TMEM131: variants seen among roughly 807,000 people sequenced by gnomAD.
TMEM131 encodes 2610524E03Rik.
A neutral mutation model predicts 211.6 loss-of-function variants in TMEM131; 66 were observed. The observed-to-expected ratio is 0.31, with a 90% CI of 0.26 to 0.38. TMEM131 has a LOEUF of 0.38. TMEM131 is among the 10% of genes least tolerant of loss of function. TMEM131 has a pLI of 1.00. For synonymous variants in TMEM131, 844 were observed against 841.3 expected (o/e 1.00, Z -0.06); for missense variants, 2,036 against 2,299.3 (o/e 0.89, Z 2.34).
chr2:97,877,736 C>G (rs1421156248), intron 4 of TMEM131, among the ~76,000 whole-genome samples: 2 of 152,124 alleles, frequency 1.3e-5, no homozygotes, highest in African/African-American at 4.8e-5. Flanking sequence ...AACATATGAC[C>G]TAGGACCATA....
chr2:97,801,072 T>C (rs1237493225), intron 25 of TMEM131, among the ~76,000 whole-genome samples: 3 of 152,242 alleles, frequency 2.0e-5, no homozygotes, highest in Non-Finnish European at 2.9e-5. Flanking sequence ...GATTAAAACA[T>C]GGAGCTATGG....
chr2:97,847,426 G>A (rs566656474), intron 5 of TMEM131, among the ~76,000 whole-genome samples: 8 of 152,008 alleles, frequency 5.3e-5, no homozygotes, highest in Non-Finnish European at 1.0e-4. Flanking sequence ...TTTTAAAAAC[G>A]TACTATTTAG....
intron 1 of TMEM131, among the ~76,000 whole-genome samples, chr2:97,942,378 TGAC>T (rs1677775101): frequency 6.8e-6 from 1 of 148,068 alleles, no homozygotes; most frequent in Non-Finnish European, 1.5e-5. Flanking sequence ...CTAATGTAAA[TGAC>T]GAGTTAACGG....
intron 1 of TMEM131, among the ~76,000 whole-genome samples, chr2:97,990,457 A>G (rs1025721336): frequency 6.6e-6 from 1 of 152,228 alleles, no homozygotes; most frequent in African/African-American, 2.4e-5. Flanking sequence ...AGTTTGGCTC[A>G]AGGGACAGAT....
chr2:97,793,412 A>G lies in TMEM131; in HGVS notation c.3528T>C (p.Gly1176=). The change falls in exon 30 of 41, where the codon GGT becomes GGC. Residue 1176 remains glycine (G), a synonymous_variant. Transcript: ENST00000186436. ...GAACATACTTTCCTTCAGATGAAAT[A>G]CCAACGATTCTCCTGAGATCAAATG... is the stretch of plus-strand genomic sequence containing the variant. ...GRPFDLRRIV[G]ISSEGNLNTL... is the part of the protein sequence containing the mutation. The G allele has an allele frequency of 6.2e-7, 1 of 1,613,528 alleles. No individual in the cohort carries two copies. Among genetic ancestry groups the G allele is most frequent in the South Asian group, 1.1e-5 (1 of 91,016 alleles).
intron 1 of TMEM131, among the ~76,000 whole-genome samples, chr2:97,980,731 T>C (rs1030554430): frequency 6.6e-6 from 1 of 151,498 alleles, no homozygotes; most frequent in African/African-American, 2.5e-5. Context: ...TACTCAACAT[T>C]AGAGACTAAC....
intron 4 of TMEM131, among the ~76,000 whole-genome samples, chr2:97,874,066 T>C (rs1674594484): frequency 6.6e-6 from 1 of 152,118 alleles, no homozygotes; most frequent in African/African-American, 2.4e-5. Flanking sequence ...CACGAGAACT[T>C]TGTGAAGCAT....
At chr2:97,959,705 C>A (rs914593201) in intron 1 of TMEM131, among the ~76,000 whole-genome samples, 17 of 152,108 alleles carry the variant, frequency 1.1e-4, no homozygotes, top group African/African-American at 4.1e-4. Context: ...ATTACCACAG[C>A]CAACCATTTT....
At chr2:97,982,522 C>A (rs1337982667) in intron 1 of TMEM131, among the ~76,000 whole-genome samples, 1 of 152,094 alleles carries the variant, frequency 6.6e-6, no homozygotes, top group African/African-American at 2.4e-5. Context: ...TTGATGTCTA[C>A]TTTATCTATT....
At chr2:97,876,343 C>G (rs146557902) in intron 4 of TMEM131, among the ~76,000 whole-genome samples, 1,823 of 152,268 alleles carry the variant, frequency 0.012, 40 homozygotes, top group African/African-American at 0.041. Context: ...GGAATCCTCC[C>G]TAACTCATTT....
chr2:97,994,079 A>T (rs561772551), intron 1 of TMEM131, among the ~76,000 whole-genome samples: 1 of 152,346 alleles, frequency 6.6e-6, no homozygotes, highest in East Asian at 1.9e-4. Flanking sequence ...GTCTACTTGA[A>T]GTCCCACCCA....
At chr2:97,758,126 T>C (rs1323920825) in intron 40 of TMEM131, among the ~76,000 whole-genome samples, 2 of 149,212 alleles carry the variant, frequency 1.3e-5, no homozygotes, top group South Asian at 2.1e-4. Flanking sequence ...AGCAAGACTC[T>C]GTCTCAAAAA....
chr2:97,951,945 T>A (rs1418902342), intron 1 of TMEM131, among the ~76,000 whole-genome samples: 2 of 151,874 alleles, frequency 1.3e-5, no homozygotes, highest in Non-Finnish European at 2.9e-5. Context: ...GATCACGAGA[T>A]CAGGAGTTCA....
Position 97,813,427 on chromosome 2 carries a change from A to C in TMEM131, c.1617+544T>G, listed in dbSNP as rs762427246. 3.3e-5 allele frequency among the ~76,000 whole-genome samples: 5 copies of C among 152,024 alleles called. 1 individual carries two copies. In the South Asian group the frequency reaches 6.2e-4, roughly 19 times the overall value. On this transcript the variant is annotated intron_variant, in intron 15 of 40. Coordinates refer to ENST00000186436, the MANE Select transcript of TMEM131 (RefSeq NM_015348.2). ...CTTATCTAAGCTTCTTTCATTGATCACTCTCAAGATAGCTTTGTTTGGAAT... is the reference window on the plus strand; with the variant it reads ...CTTATCTAAGCTTCTTTCATTGATCCCTCTCAAGATAGCTTTGTTTGGAAT...
At chr2:97,904,519 A>C (rs1675989090) in intron 3 of TMEM131, among the ~76,000 whole-genome samples, 1 of 152,184 alleles carries the variant, frequency 6.6e-6, no homozygotes, top group Non-Finnish European at 1.5e-5. Context: ...ATTTCAAAAC[A>C]AAAGGTAAAA....
At chr2:97,823,598 C>A (rs966273301) in intron 11 of TMEM131, among the ~76,000 whole-genome samples, 1 of 152,176 alleles carries the variant, frequency 6.6e-6, no homozygotes, top group African/African-American at 2.4e-5. Context: ...GGTCAGCAAG[C>A]CATCCCCAGT....
rs1459051230 is a variant in TMEM131, at chr2:97,757,114, A to G, written c.5637T>C (p.Phe1879=). ...RSSDPWSNSH[F]PHEN The stretch of plus-strand genomic sequence containing the variant: ...TTTGCTTAATTTAATTCTCGTGAGG[A>G]AAGTGCGAATTAGACCAAGGGTCCG... Residue 1879 remains phenylalanine (F), a synonymous_variant, in exon 41 of 41, where the codon TTT becomes TTC. Coordinates refer to ENST00000186436, the MANE Select transcript of TMEM131 (RefSeq NM_015348.2). 6.3e-7 allele frequency: 1 copy of G among 1,595,642 alleles called. No homozygotes were observed. Among genetic ancestry groups the G allele is most frequent in the African/African-American group, 1.3e-5 (1 of 74,156 alleles).
intron 40 of TMEM131, among the ~76,000 whole-genome samples, chr2:97,758,047 G>A (rs1455362195): frequency 1.3e-5 from 2 of 151,938 alleles, no homozygotes; most frequent in Non-Finnish European, 2.9e-5. Flanking sequence ...CAGGAGAATG[G>A]CATGAACCCA....
chr2:97,887,422 C>T (rs1335752260), intron 4 of TMEM131, among the ~76,000 whole-genome samples: 1 of 152,174 alleles, frequency 6.6e-6, no homozygotes, highest in Non-Finnish European at 1.5e-5. Flanking sequence ...TTGGGCAGGC[C>T]AAGGAAATAT....
Sources: gnomAD v4.1 joint callset for allele counts (sites outside exome capture counted in the v4.1 genomes callset) on GRCh38, gnomAD v4.1.1 for gene constraint, MANE v1.5 for transcripts, NCBI Gene and HGNC (gene_info 2026-07-23, HGNC 2026-07-21) for gene names.